WDR87: variants seen among roughly 807,000 people sequenced by gnomAD.
WDR87 encodes the protein WD repeat-containing protein 87.
Under a neutral mutation model 83.3 loss-of-function variants are expected in WDR87, and 56 were observed. That is an observed-to-expected ratio of 0.67 (90% CI 0.54 to 0.84). The LOEUF (loss-of-function observed/expected upper bound fraction) is 0.84, where lower values mean the gene tolerates loss of function less well. Ranked by LOEUF, WDR87 falls within the 40% of genes least tolerant of loss-of-function variation. The pLI is 0.00. For synonymous variants in WDR87, 1,173 were observed against 1,250.6 expected, an observed-to-expected ratio of 0.94 and a Z score of 1.31; for missense variants, 2,939 against 3,431.9, an observed-to-expected ratio of 0.86 and a Z score of 3.59.
rs774834690 is a variant in WDR87 at position 37,894,384 on chromosome 19, C to T, written c.1319G>A (p.Arg440His). 26 of 1,551,588 alleles carry T rather than the reference C, an allele frequency of 1.7e-5. No homozygotes were observed. The highest frequency in any genetic ancestry group is 5.5e-5 in the African/African-American group (4 of 73,016). The part of the protein sequence containing the change: ...SSEVLVFDTT[R>H]CPCPAKYLLG... The stretch of plus-strand genomic sequence containing the variant: ...GAGATACTTGGCTGGGCAAGGGCAG[C>T]GGGTTGTGTCAAATACCAGAACCTC... Residue 440 changes from arginine (R) to histidine (H), a missense_variant, in exon 4 of 6, where the codon CGC (arginine) becomes CAC (histidine). Coordinates refer to ENST00000447313, the MANE Select transcript of WDR87 (RefSeq NM_001291088.2).
Position 37,886,923 on chromosome 19 carries a change from CTTTTG to C in WDR87, c.6743_6747del (p.Pro2248ArgfsTer9), listed in dbSNP as rs1599757163. The C allele has an allele frequency of 3.9e-6, 6 of 1,551,482 alleles. No individual in the cohort carries two copies. The highest frequency in any genetic ancestry group is 4.4e-6 in the Non-Finnish European group (5 of 1,146,974). On this transcript the variant is annotated frameshift_variant, in exon 6 of 6. Transcript: ENST00000447313. LOFTEE classifies it low-confidence loss of function (END_TRUNC). ...TCATCCACTTGACTGGAAAACTTTT[CTTTTG>C]GTTTGTCACCTCTCTTGGCCTCTTT...
Position 37,885,344 on chromosome 19 carries a change from C to T in WDR87, c.8327G>A (p.Arg2776Gln), listed in dbSNP as rs200596982. The T allele has an allele frequency of 7.2e-3, 11,174 of 1,551,678 alleles. 62 individuals carry two copies. Among genetic ancestry groups the T allele is most frequent in the Non-Finnish European group, 9.2e-3 (10,608 of 1,146,992 alleles). ...ETFVALYHVLRMLQQRYPKDS... is the reference protein window; with the variant it reads ...ETFVALYHVLQMLQQRYPKDS... Reference sequence around the variant, plus strand: ...TTTTGGATATCGCTGCTGCAGCATCCGCAAAACATGGTACAGTGCCACAAA... The same window carrying T: ...TTTTGGATATCGCTGCTGCAGCATCTGCAAAACATGGTACAGTGCCACAAA... The change falls in exon 6 of 6, where the codon CGG (arginine) becomes CAG (glutamine). Residue 2776 changes from arginine to glutamine, a missense_variant. Coordinates refer to ENST00000447313, the MANE Select transcript of WDR87 (RefSeq NM_001291088.2).
intron 1 of WDR87, among the ~76,000 whole-genome samples, chr19:37,906,190 G>A (rs544255507): frequency 6.6e-6 from 1 of 152,338 alleles, no homozygotes; most frequent in South Asian, 2.1e-4. Flanking sequence ...TAAAAAAGGA[G>A]TGTGTGTTGC....
In WDR87 at chr19:37,889,756, G is replaced by A. The variant is rs371394187; in HGVS notation, c.3915C>T (p.Asn1305=). The part of the protein sequence containing the change: ...GSQTKMSENL[N]AELVTFAQEM... ...CCTGAGCAAATGTCACTAGCTCAGC[G>A]TTTAGGTTTTCTGACATTTTTGTTT... The change falls in exon 6 of 6, where the codon AAC becomes AAT. Residue 1305 remains asparagine, a synonymous_variant. Coordinates refer to ENST00000447313, the MANE Select transcript of WDR87 (RefSeq NM_001291088.2). 145 of 1,551,666 alleles carry A rather than the reference G, an allele frequency of 9.3e-5. No homozygotes were observed. Among genetic ancestry groups the A allele is most frequent in the African/African-American group, 4.8e-4 (35 of 73,140 alleles).
At chr19:37,892,443 C>T (rs746027863) in intron 4 of WDR87, 135 bp downstream of exon 4, 21 of 815,808 alleles carry the variant, frequency 2.6e-5, no homozygotes, top group Non-Finnish European at 3.8e-5. Context: ...CAAGGATAGT[C>T]ATCTAGGCGT....
Position 37,894,257 on chromosome 19 carries a change from C to G in WDR87, c.1446G>C (p.Gln482His), listed in dbSNP as rs2046233964. ...GLEGLIFSGHQSGVIRVLSQH... is the reference protein window; with the variant it reads ...GLEGLIFSGHHSGVIRVLSQH... ...GGGAGAGCACTCTTATCACACCACT[C>G]TGGTGCCCAGAGAATATCAGTCCCT... Residue 482 changes from glutamine to histidine, a missense_variant, in exon 4 of 6, where the codon CAG becomes CAC. Physicochemically the swap from Gln to His is conservative, Grantham distance 24. Around this residue, in one of 3 missense-constraint regions of WDR87, gnomAD observed 553 missense variants for 577.9 expected, o/e 0.96. Coordinates refer to ENST00000447313, the MANE Select transcript of WDR87 (RefSeq NM_001291088.2). The G allele has an allele frequency of 2.6e-6, 4 of 1,551,826 alleles. No homozygotes were observed. Among genetic ancestry groups the G allele is most frequent in the Non-Finnish European group, 3.5e-6 (4 of 1,147,028 alleles).
Position 37,893,370 on chromosome 19 carries a change from A to ACC in WDR87, c.2331_2332dup (p.Val778GlyfsTer2). ...ATAATGGCATTGGTAACGTTTGCTC[A>ACC]CCTGCATCCAATCTTCCATGTCCTG... is the stretch of plus-strand genomic sequence containing the variant. On this transcript the variant is annotated frameshift_variant, in exon 4 of 6. Coordinates refer to ENST00000447313, the MANE Select transcript of WDR87 (RefSeq NM_001291088.2). LOFTEE classifies it high-confidence loss of function. 1 of 1,552,068 alleles carries ACC rather than the reference A, an allele frequency of 6.4e-7. No homozygotes were observed. Among genetic ancestry groups the ACC allele is most frequent in the South Asian group, 1.2e-5 (1 of 84,064 alleles).
chr19:37,905,045 A>C (rs1401215424), intron 1 of WDR87, among the ~76,000 whole-genome samples: 2 of 151,804 alleles, frequency 1.3e-5, no homozygotes, highest in African/African-American at 2.4e-5. Flanking sequence ...CATCCTGGCT[A>C]ACATGGTGAA....
intron 1 of WDR87, among the ~76,000 whole-genome samples, chr19:37,900,005 A>T (rs2046283766): frequency 1.3e-5 from 2 of 152,346 alleles, no homozygotes; most frequent in Middle Eastern, 3.4e-3. Context: ...TTCCTGAAGC[A>T]AGGTCAGCAA....
rs1196252392 is a variant in WDR87 at position 37,906,553 on chromosome 19, T to C, written c.-101A>G. On this transcript the variant is annotated 5_prime_UTR_variant, in exon 1 of 6. Coordinates refer to ENST00000447313, the MANE Select transcript of WDR87 (RefSeq NM_001291088.2). ...TACGGCGTGTGCACTCAGGAGCTCC[T>C]AGAGCTAGGGGCAGCAACTAAGAAG... The C allele has an allele frequency of 6.6e-6, 1 of 151,996 alleles. No individual in the cohort carries two copies. The highest frequency in any genetic ancestry group is 1.5e-5 in the Non-Finnish European group (1 of 67,958). The allele number at this position is 151,996 out of a possible 1,614,324, so 9.4% of individuals were successfully genotyped here. A position where few individuals can be genotyped will look rare whatever the true frequency, so the allele number is the denominator to read the frequency against.
At position 37,892,895 on chromosome 19, in the gene WDR87, C is replaced by T. The variant is rs1210229715; in HGVS notation, c.2808G>A (p.Lys936=). The change falls in exon 4 of 6, where the codon AAG becomes AAA. Residue 936 remains lysine, a synonymous_variant. Coordinates refer to ENST00000447313, the MANE Select transcript of WDR87 (RefSeq NM_001291088.2). ...LNIMVHASLL[K]YQCCVGALGQ... Reference sequence around the variant, plus strand: ...CTAGTGCACCAACACAGCACTGGTACTTCAGCAAGGAAGCATGGACCATAA... The same window carrying T: ...CTAGTGCACCAACACAGCACTGGTATTTCAGCAAGGAAGCATGGACCATAA... The T allele has an allele frequency of 6.4e-7, 1 of 1,551,990 alleles. No homozygotes were observed. Among genetic ancestry groups the T allele is most frequent in the African/African-American group, 1.4e-5 (1 of 73,050 alleles).
At chr19:37,891,434 T>A in intron 5 of WDR87, 118 bp downstream of exon 5, 1 of 1,321,342 alleles carries the variant, frequency 7.6e-7, no homozygotes, top group Non-Finnish European at 1.0e-6. Flanking sequence ...AGTGCTGGAA[T>A]TACAGGCATG....
At position 37,888,520 on chromosome 19, in the gene WDR87, T is replaced by A. The variant is rs1568449817; in HGVS notation, c.5151A>T (p.Lys1717Asn). 3.9e-6 allele frequency: 6 copies of A among 1,551,578 alleles called. No individual in the cohort carries two copies. Among genetic ancestry groups the A allele is most frequent in the Non-Finnish European group, 5.2e-6 (6 of 1,146,992 alleles). ...CCAGTTTCCCTCCTTTCTTTGCTAG[T>A]TTCTCTTCTTCTCTAGCCACTTTCT... ...KWEKVAREEE[K>N]LAKKGGKLAE... The change falls in exon 6 of 6, where the codon AAA (lysine) becomes AAT (asparagine). Residue 1717 changes from lysine to asparagine, a missense_variant. Transcript: ENST00000447313.
chr19:37,894,021 G>A lies in WDR87; in HGVS notation c.1682C>T (p.Thr561Ile). Residue 561 changes from threonine to isoleucine, a missense_variant, in exon 4 of 6, where the codon ACA becomes ATA. Thr to Ile is a moderately conservative substitution (Grantham distance 89). Coordinates refer to ENST00000447313, the MANE Select transcript of WDR87 (RefSeq NM_001291088.2). ...AGACTTGGGCAAGAGTATCAGATGT[G>A]TTAGGTGACAGCTGCTGAGAATGCT... ...LASILSSCHLTHLILLPKSVG... is the reference protein window; with the variant it reads ...LASILSSCHLIHLILLPKSVG... 1 of 1,551,912 alleles carries A rather than the reference G, an allele frequency of 6.4e-7. No individual in the cohort carries two copies. The highest frequency in any genetic ancestry group is 8.7e-7 in the Non-Finnish European group (1 of 1,147,046).
In WDR87 at chr19:37,889,884, G is replaced by T. The variant is rs1168276012; in HGVS notation, c.3787C>A (p.Arg1263=). 1 of 1,551,572 alleles carries T rather than the reference G, an allele frequency of 6.4e-7. No homozygotes were observed. The highest frequency in any genetic ancestry group is 2.0e-5 in the Admixed American group (1 of 50,970). The change falls in exon 6 of 6, where the codon CGG becomes AGG. Residue 1263 remains arginine (R), a synonymous_variant. Transcript: ENST00000447313. ...PVTKKVKIQG[R]GASGISGRRS... ...CGGCCAGATATTCCAGAGGCTCCCC[G>T]CCCTTGGATTTTAACCTTTTTAGTA...
In WDR87 at chr19:37,889,444, G is replaced by T. The variant is rs898346777; in HGVS notation, c.4227C>A (p.Gly1409=). ...LEETQVILKK[G]KKVIFLEPGN... ...CTGGTTCTAAAAAAATAACTTTCTT[G>T]CCCTTTTTCAAAATCACTTGGGTTT... Residue 1409 remains glycine (G), a synonymous_variant, in exon 6 of 6, where the codon GGC becomes GGA. Transcript: ENST00000447313. The T allele has an allele frequency of 1.9e-6, 3 of 1,551,380 alleles. No homozygotes were observed. The highest frequency in any genetic ancestry group is 2.6e-6 in the Non-Finnish European group (3 of 1,147,004).
rs773216462 is a variant in WDR87, at chr19:37,893,804, C to G, written c.1899G>C (p.Trp633Cys). 1.2e-5 allele frequency: 18 copies of G among 1,551,536 alleles called. No homozygotes were observed. The South Asian group carries it at 2.0e-4, about 17-fold the overall frequency. Residue 633 changes from tryptophan (W) to cysteine (C), a missense_variant, in exon 4 of 6, where the codon TGG becomes TGC. Around this residue, in one of 3 missense-constraint regions of WDR87, gnomAD observed 553 missense variants for 577.9 expected, o/e 0.96. Coordinates refer to ENST00000447313, the MANE Select transcript of WDR87 (RefSeq NM_001291088.2). ...TGSADGSVRI[W>C]DFHGRLIGIL... ...TGCCTATGAGTCTGCCATGGAAGTC[C>G]CAGATCCGAACAGAGCCATCGGCAG...
chr19:37,900,955 G>C (rs1051394563), intron 1 of WDR87, among the ~76,000 whole-genome samples: 2 of 108,676 alleles, frequency 1.8e-5, no homozygotes, highest in East Asian at 5.6e-4. Context: ...GTGGGACCCT[G>C]TCTCTACAAA....
At position 37,888,650 on chromosome 19, in the gene WDR87, C is replaced by A; in HGVS notation, c.5021G>T (p.Gly1674Val). 1 of 1,551,762 alleles carries A rather than the reference C, an allele frequency of 6.4e-7. No homozygotes were observed. Among genetic ancestry groups the A allele is most frequent in the East Asian group, 2.4e-5 (1 of 40,854 alleles). ...TGTTTCCTCTTTCTGGGCAAACTTACCCTCTGCCTGGGCCATTTCCCTGTC... is the reference window on the plus strand; with the variant it reads ...TGTTTCCTCTTTCTGGGCAAACTTAACCTCTGCCTGGGCCATTTCCCTGTC... ...QDDREMAQAE[G>V]KFAQKEETLA... is the part of the protein sequence containing the mutation. Residue 1674 changes from glycine to valine, a missense_variant, in exon 6 of 6, where the codon GGT becomes GTT. Physicochemically the swap from Gly to Val is moderately radical, Grantham distance 109 (BLOSUM62 -3). Around this residue, in one of 3 missense-constraint regions of WDR87, gnomAD observed 2,160 missense variants for 2,533.1 expected, o/e 0.85. Transcript: ENST00000447313.
Sources: allele counts gnomAD v4.1 joint callset (sites outside exome capture counted in the v4.1 genomes callset), GRCh38; gene constraint gnomAD v4.1.1; regional missense constraint gnomAD v4.1.1; transcripts MANE v1.5; gene names NCBI Gene and HGNC (gene_info 2026-07-23, HGNC 2026-07-21).